The following SYCP1 variants were observed in gnomAD, a reference collection of about 807,000 sequenced individuals.
The protein encoded by SYCP1 is cancer/testis antigen 8.
Under a neutral mutation model 153.1 loss-of-function variants are expected in SYCP1, and 64 were observed. The observed-to-expected ratio is 0.42, with a 90% confidence interval of 0.34 to 0.51. SYCP1 has a LOEUF of 0.51. Among genes scored for constraint, SYCP1 ranks in the 20% least tolerant of loss-of-function variants. The probability of loss-of-function intolerance (pLI) is 0.06; values close to 1 mark genes in which losing one functional copy is unlikely to be tolerated. For missense variants in SYCP1, 997 were observed against 1,049.0 expected, an observed-to-expected ratio of 0.95 and a Z score of 0.68; for synonymous variants, 384 against 341.8, an observed-to-expected ratio of 1.12 and a Z score of -1.36.
chr1:114,966,488 A>G (rs1481879325), intron 27 of SYCP1, among the ~76,000 whole-genome samples: 2 of 152,122 alleles, frequency 1.3e-5, no homozygotes, highest in East Asian at 1.9e-4. Context: ...ATTTAGTGCT[A>G]CAAATTTCCC....
chr1:114,985,661 T>C (rs1673450233), intron 30 of SYCP1, among the ~76,000 whole-genome samples: 2 of 151,916 alleles, frequency 1.3e-5, no homozygotes, highest in Admixed American at 1.3e-4. Flanking sequence ...TAATGAGTAG[T>C]TGAAGTCTTA....
At chr1:114,857,026 A>G (rs1273045004) in intron 3 of SYCP1, among the ~76,000 whole-genome samples, 3 of 147,996 alleles carry the variant, frequency 2.0e-5, no homozygotes, top group African/African-American at 7.4e-5. Context: ...TGGGAGGCTA[A>G]GGTGGGAGGA....
At chr1:114,891,688 A>G (rs969903863) in intron 15 of SYCP1, among the ~76,000 whole-genome samples, 8 of 152,272 alleles carry the variant, frequency 5.3e-5, no homozygotes, top group Admixed American at 3.9e-4. Context: ...ATCTGGATCT[A>G]TCTTTGCTTT....
At chr1:114,979,219 A>G (rs1185824468) in intron 28 of SYCP1, among the ~76,000 whole-genome samples, 2 of 150,850 alleles carry the variant, frequency 1.3e-5, no homozygotes, top group African/African-American at 4.9e-5. Context: ...GAGTTTGGAC[A>G]AGTTACTTAA....
In SYCP1 at chr1:114,859,764, T is replaced by C. The variant is rs767854916; in HGVS notation, c.478T>C (p.Leu160=). 3.0e-5 allele frequency: 27 copies of C among 887,734 alleles called. No individual in the cohort carries two copies. Among genetic ancestry groups the C allele is most frequent in the Middle Eastern group, 4.9e-4 (2 of 4,090 alleles). 55.0% of individuals were successfully genotyped at this position (887,734 alleles called of 1,614,324 possible). A position where few individuals can be genotyped will look rare whatever the true frequency, so the allele number is the denominator to read the frequency against. The change falls in exon 7 of 32, where the codon TTG becomes CTG. Residue 160 remains leucine (L), a synonymous_variant. Transcript: ENST00000369522. ...ELQFGNEKVS[L]KLEEGIQENK... ...TTAGTTTGGAAATGAAAAAGTAAGTTTGAAATTAGAAGAAGGAATACAAGA... is the reference window on the plus strand; with the variant it reads ...TTAGTTTGGAAATGAAAAAGTAAGTCTGAAATTAGAAGAAGGAATACAAGA...
intron 11 of SYCP1, among the ~76,000 whole-genome samples, chr1:114,877,296 T>C (rs1391771271): frequency 1.3e-5 from 2 of 152,182 alleles, no homozygotes; most frequent in Non-Finnish European, 1.5e-5. Context: ...AGTGGAAGAC[T>C]TGAAAATGTT....
intron 20 of SYCP1, among the ~76,000 whole-genome samples, chr1:114,916,259 A>G (rs188401779): frequency 2.4e-3 from 363 of 152,084 alleles, no homozygotes; most frequent in Non-Finnish European, 4.5e-3. Flanking sequence ...TATTTTAGTC[A>G]TTTTTACTTT....
intron 22 of SYCP1, 52 bp from the exon 23 acceptor site, chr1:114,926,449 G>C: frequency 6.7e-7 from 1 of 1,491,272 alleles, no homozygotes; most frequent in Non-Finnish European, 9.0e-7. Context: ...TCAGTAGCAA[G>C]GTAAGTTTGA....
At chr1:114,860,878 A>C (rs749721525) in intron 8 of SYCP1, 69 bp downstream of exon 8, 104 of 1,220,738 alleles carry the variant, frequency 8.5e-5, no homozygotes, top group Non-Finnish European at 1.1e-4. Flanking sequence ...GAGGGAAAGA[A>C]ATTGTCCTTT....
chr1:114,913,580 G>C (rs1399405918), intron 19 of SYCP1, among the ~76,000 whole-genome samples: 1 of 152,078 alleles, frequency 6.6e-6, no homozygotes, highest in African/African-American at 2.4e-5. Flanking sequence ...TGCTATCAGA[G>C]TTTGCAGGAT....
chr1:114,982,702 A>T (rs1673245348), intron 29 of SYCP1, among the ~76,000 whole-genome samples: 1 of 151,908 alleles, frequency 6.6e-6, no homozygotes, highest in Admixed American at 6.6e-5. Context: ...TGTCTAGTTA[A>T]GTCCAATGTC....
intron 23 of SYCP1, among the ~76,000 whole-genome samples, chr1:114,936,682 G>A (rs1161406305): frequency 1.3e-5 from 2 of 152,170 alleles, no homozygotes; most frequent in African/African-American, 2.4e-5. Flanking sequence ...ATCTCCTTAA[G>A]CTGATAAGCA....
chr1:114,976,707 G>T (rs1434918123), intron 27 of SYCP1, among the ~76,000 whole-genome samples: 1 of 151,762 alleles, frequency 6.6e-6, no homozygotes, highest in Non-Finnish European at 1.5e-5. Context: ...CCATTGGTAG[G>T]TTATAGGATA....
chr1:114,913,740 C>T (rs796092393), intron 19 of SYCP1, among the ~76,000 whole-genome samples: 4 of 151,896 alleles, frequency 2.6e-5, no homozygotes, highest in African/African-American at 4.8e-5. Flanking sequence ...CTCAAAGTAA[C>T]GCTGGAAAAC....
chr1:114,890,084 A>C (rs1173459643), intron 15 of SYCP1, among the ~76,000 whole-genome samples: 1 of 152,078 alleles, frequency 6.6e-6, no homozygotes, highest in Non-Finnish European at 1.5e-5. Context: ...AAATTTGAAA[A>C]AAGTATTCTA....
intron 23 of SYCP1, among the ~76,000 whole-genome samples, chr1:114,939,030 T>G (rs1489276955): frequency 6.6e-6 from 1 of 152,124 alleles, no homozygotes; most frequent in Non-Finnish European, 1.5e-5. Context: ...CTAAAATAAC[T>G]ATATGATCCA....
intron 27 of SYCP1, among the ~76,000 whole-genome samples, chr1:114,952,032 T>C (rs926394053): frequency 1.3e-5 from 2 of 152,174 alleles, no homozygotes; most frequent in Non-Finnish European, 2.9e-5. Context: ...TATTCTGTGG[T>C]ATGGAGGTAC....
chr1:114,935,338 A>G (rs1282883784), intron 23 of SYCP1, among the ~76,000 whole-genome samples: 1 of 41,758 alleles, frequency 2.4e-5, no homozygotes, highest in Non-Finnish European at 8.9e-5. Flanking sequence ...GGCAGAAATA[A>G]ATATGTTCTT....
At position 114,860,823 on chromosome 1, in the gene SYCP1, T is replaced by A; in HGVS notation, c.598+14T>A. ...AGACAAAGAAATGTAAATATCTTTC[T>A]TGTTTTATGTGATTTTATCAATTTA... On this transcript the variant is annotated intron_variant, in intron 8 of 31. Coordinates refer to ENST00000369522, the MANE Select transcript of SYCP1 (RefSeq NM_003176.4). 6.5e-7 allele frequency: 1 copy of A among 1,548,918 alleles called. No individual in the cohort carries two copies. The highest frequency in any genetic ancestry group is 8.7e-7 in the Non-Finnish European group (1 of 1,144,742).
Sources: allele counts gnomAD v4.1 joint callset (sites outside exome capture counted in the v4.1 genomes callset), GRCh38; gene constraint gnomAD v4.1.1; transcripts MANE v1.5; gene names NCBI Gene and HGNC (gene_info 2026-07-23, HGNC 2026-07-21).